Variants in CDH18 observed in about 807,000 individuals in gnomAD.
CDH18 encodes cadherin 18, also known as cadherin-18.
CDH18 carries 31 observed loss-of-function variants against 67.9 expected under a neutral mutation model. The observed-to-expected ratio is 0.46, with a 90% confidence interval of 0.34 to 0.62. CDH18 has a LOEUF of 0.62. Among genes scored for constraint, CDH18 ranks in the 20% least tolerant of loss-of-function variants. The pLI is 0.01. For missense variants in CDH18, 890 were observed against 975.5 expected, an observed-to-expected ratio of 0.91 and a Z score of 1.17; for synonymous variants, 362 against 347.2, an observed-to-expected ratio of 1.04 and a Z score of -0.48.
At chr5:19,752,792 C>T (rs1229503327) in intron 3 of CDH18, among the ~76,000 whole-genome samples, 1 of 152,186 alleles carries the variant, frequency 6.6e-6, no homozygotes, top group East Asian at 1.9e-4. Context: ...CTTCCTGCCA[C>T]CTCCACCAGA....
chr5:19,521,901 T>TTTTATTTA (rs1298900585), intron 9 of CDH18, among the ~76,000 whole-genome samples: 1 of 151,876 alleles, frequency 6.6e-6, no homozygotes, highest in Non-Finnish European at 1.5e-5. Context: ...ATTTCAAAAT[T>TTTTATTTA]TTTATTTATT....
intron 3 of CDH18, among the ~76,000 whole-genome samples, chr5:19,809,029 T>A (rs1778357059): frequency 6.6e-6 from 1 of 152,038 alleles, no homozygotes; most frequent in Admixed American, 6.6e-5. Context: ...ATATTAAAAA[T>A]ATTATTTAAT....
rs72743048 is a variant in CDH18, at chr5:20,185,923, C to T, written c.-518+69521G>A. ...AAGAGTACCATATACCAAGTTGGCA[C>T]GCAAGAAATACTTTCTGAAGAAGAG... is the stretch of plus-strand genomic sequence containing the variant. On this transcript the variant is annotated intron_variant, in intron 2 of 14. Transcript: ENST00000507958. Among the ~76,000 whole-genome samples, 1,401 of 151,008 alleles carry T rather than the reference C, an allele frequency of 9.3e-3. 16 individuals are homozygous for T. The highest frequency in any genetic ancestry group is 0.028 in the South Asian group (132 of 4,786).
intron 2 of CDH18, among the ~76,000 whole-genome samples, chr5:20,051,758 A>C (rs1683735544): frequency 2.0e-5 from 3 of 152,056 alleles, no homozygotes; most frequent in Admixed American, 2.0e-4. Flanking sequence ...ATAAGTTGAA[A>C]ATAATTCTTA....
At chr5:19,926,385 G>C (rs1292148165) in intron 2 of CDH18, among the ~76,000 whole-genome samples, 1 of 152,088 alleles carries the variant, frequency 6.6e-6, no homozygotes, top group African/African-American at 2.4e-5. Context: ...ACCAACTTTT[G>C]TACAGACCTC....
intron 1 of CDH18, among the ~76,000 whole-genome samples, chr5:20,553,712 T>G (rs1184252654): frequency 6.6e-6 from 1 of 152,170 alleles, no homozygotes; most frequent in African/African-American, 2.4e-5. Flanking sequence ...AATTGTGGCC[T>G]TTAAGTTGCA....
chr5:20,070,397 T>C (rs1743378254), intron 2 of CDH18, among the ~76,000 whole-genome samples: 1 of 152,144 alleles, frequency 6.6e-6, no homozygotes, highest in Non-Finnish European at 1.5e-5. Context: ...TGGTTCAGGG[T>C]AATGTTTGTG....
At chr5:19,847,809 T>C (rs980112865) in intron 2 of CDH18, among the ~76,000 whole-genome samples, 2 of 152,210 alleles carry the variant, frequency 1.3e-5, no homozygotes, top group Admixed American at 6.5e-5. Context: ...TATGTGTGTA[T>C]ATTCCTAATT....
intron 1 of CDH18, among the ~76,000 whole-genome samples, chr5:20,342,363 C>A (rs1487886357): frequency 6.6e-6 from 1 of 152,132 alleles, no homozygotes; most frequent in African/African-American, 2.4e-5. Context: ...TGCCATCAGG[C>A]TTTCCACCTT....
chr5:19,548,344 AC>A, intron 8 of CDH18, among the ~76,000 whole-genome samples: 1 of 152,128 alleles, frequency 6.6e-6, no homozygotes, highest in Admixed American at 6.6e-5. Flanking sequence ...CCAAAAATGA[AC>A]CAGAATAAAT....
At chr5:20,058,441 G>A (rs1225572503) in intron 2 of CDH18, among the ~76,000 whole-genome samples, 2 of 152,002 alleles carry the variant, frequency 1.3e-5, no homozygotes, top group African/African-American at 2.4e-5. Flanking sequence ...ACAGGTAAGG[G>A]ACTCATAATG....
chr5:19,520,768 A>G lies in CDH18; in HGVS notation c.1401T>C (p.Asp467=), dbSNP rs760814732. The G allele has an allele frequency of 1.9e-6, 3 of 1,612,734 alleles. No individual in the cohort carries two copies. Among genetic ancestry groups the G allele is most frequent in the South Asian group, 2.2e-5 (2 of 90,852 alleles). ...TACCCACTGTGACATGGCTCAGCAA[A>G]TCAGGATTATCTGCAAAATACACAG... ...TVTASEIDNP[D]LLSHVTVGIR... Residue 467 remains aspartate (D), a synonymous_variant, in exon 10 of 13, where the codon GAT becomes GAC. Coordinates refer to ENST00000382275, the MANE Select transcript of CDH18 (RefSeq NM_004934.5).
chr5:20,525,749 A>G (rs1037700060), intron 1 of CDH18, among the ~76,000 whole-genome samples: 2 of 152,078 alleles, frequency 1.3e-5, no homozygotes, highest in African/African-American at 4.8e-5. Context: ...TTCATCCTTC[A>G]CTTAAGGTAT....
intron 3 of CDH18, among the ~76,000 whole-genome samples, chr5:19,765,661 T>G (rs1217203075): frequency 6.6e-6 from 1 of 152,066 alleles, no homozygotes; most frequent in African/African-American, 2.4e-5. Flanking sequence ...GCTCTGGGAA[T>G]TCAACGAATG....
At chr5:20,553,655 C>T (rs149358167) in intron 1 of CDH18, among the ~76,000 whole-genome samples, 134 of 152,172 alleles carry the variant, frequency 8.8e-4, no homozygotes, top group African/African-American at 2.6e-3. Flanking sequence ...AAGTCCACTG[C>T]GTAACCAAAG....
Position 19,690,007 on chromosome 5 carries a change from G to C in CDH18, c.643+31340C>G, listed in dbSNP as rs539438190. On this transcript the variant is annotated intron_variant, in intron 5 of 12. Transcript: ENST00000382275. The stretch of plus-strand genomic sequence containing the variant: ...GGCTATAAGTCAAACACAGTAAAAA[G>C]AGAAAAAGAAGGTCATTATAAAATT... Among the ~76,000 whole-genome samples the C allele has an allele frequency of 2.6e-5, 4 of 151,276 alleles. No homozygotes were observed. The East Asian group carries it at 5.8e-4, about 22-fold the overall frequency.
At chr5:20,015,283 G>A (rs1737784312) in intron 2 of CDH18, among the ~76,000 whole-genome samples, 1 of 152,052 alleles carries the variant, frequency 6.6e-6, no homozygotes, top group South Asian at 2.1e-4. Context: ...TCTCTTCCCT[G>A]AACTAGATAA....
chr5:20,354,835 G>A (rs1741479377), intron 1 of CDH18, among the ~76,000 whole-genome samples: 1 of 152,096 alleles, frequency 6.6e-6, no homozygotes, highest in East Asian at 1.9e-4. Context: ...ATGACAATAG[G>A]ATTATCAGAT....
At chr5:19,557,574 G>GA (rs969127523) in intron 8 of CDH18, among the ~76,000 whole-genome samples, 7 of 151,156 alleles carry the variant, frequency 4.6e-5, no homozygotes, top group African/African-American at 1.2e-4. Flanking sequence ...TAGTCCAACA[G>GA]AAAAAAAAAT....
Sources: gnomAD v4.1 joint callset for allele counts (sites outside exome capture counted in the v4.1 genomes callset) on GRCh38, gnomAD v4.1.1 for gene constraint, MANE v1.5 for transcripts, NCBI Gene and HGNC (gene_info 2026-07-23, HGNC 2026-07-21) for gene names.